The following MARCHF6 variants were observed in gnomAD, a reference collection of about 807,000 sequenced individuals.
MARCHF6 encodes the protein membrane associated ring-CH-type finger 6.
MARCHF6 carries 31 observed loss-of-function variants against 133.7 expected under a neutral mutation model. That is an observed-to-expected ratio of 0.23 (90% CI 0.17 to 0.31). The LOEUF is 0.31. Among genes scored for constraint, MARCHF6 ranks in the 10% least tolerant of loss-of-function variants. The probability of loss-of-function intolerance (pLI) is 1.00; values close to 1 mark genes in which losing one functional copy is unlikely to be tolerated. For missense variants in MARCHF6, 723 were observed against 1,121.6 expected (o/e 0.64, Z 5.08); for synonymous variants, 395 against 402.5 (o/e 0.98, Z 0.22).
At chr5:10,422,804 A>C (rs1215588757) in intron 22 of MARCHF6, among the ~76,000 whole-genome samples, 1 of 151,884 alleles carries the variant, frequency 6.6e-6, no homozygotes, top group Non-Finnish European at 1.5e-5. Context: ...ATGATACTAC[A>C]TACTTTCTAT....
At chr5:10,407,947 A>G (rs908319677) in intron 17 of MARCHF6, among the ~76,000 whole-genome samples, 1 of 140,504 alleles carries the variant, frequency 7.1e-6, no homozygotes, top group African/African-American at 2.7e-5. Context: ...CAAGAGTGAA[A>G]CTGCATCCCC....
At chr5:10,378,720 C>A (rs1448145537) in intron 2 of MARCHF6, 39 bp from the exon 3 acceptor site, 2 of 1,209,730 alleles carry the variant, frequency 1.7e-6, no homozygotes, top group Admixed American at 1.8e-5. Flanking sequence ...TGTTTCTTTG[C>A]TGTAAACACT....
chr5:10,429,231 A>G (rs1202453031), intron 24 of MARCHF6, among the ~76,000 whole-genome samples: 3 of 152,220 alleles, frequency 2.0e-5, no homozygotes, highest in Admixed American at 6.5e-5. Flanking sequence ...ATTAAAACTC[A>G]TGAGTTAAAT....
At position 10,423,406 on chromosome 5, in the gene MARCHF6, G is replaced by A. The variant is rs187193136; in HGVS notation, c.2284-329G>A. The stretch of plus-strand genomic sequence containing the variant: ...CAGCTCACTTGAAACCAATGAAATA[G>A]CCTAAAGATAGTTTGAAATAAAATC... On this transcript the variant is annotated intron_variant, in intron 22 of 25. Coordinates refer to ENST00000274140, the MANE Select transcript of MARCHF6 (RefSeq NM_005885.4). Among the ~76,000 whole-genome samples the A allele has an allele frequency of 1.2e-4, 19 of 152,306 alleles. No individual in the cohort carries two copies. The East Asian group carries it at 3.7e-3, about 29-fold the overall frequency.
chr5:10,392,332 A>G (rs1037640659), intron 7 of MARCHF6, among the ~76,000 whole-genome samples: 1 of 152,198 alleles, frequency 6.6e-6, no homozygotes, highest in African/African-American at 2.4e-5. Flanking sequence ...TTTTTTAAAT[A>G]AAGGACTTTG....
chr5:10,376,914 C>T (rs1736819289), intron 1 of MARCHF6, among the ~76,000 whole-genome samples: 1 of 152,208 alleles, frequency 6.6e-6, no homozygotes, highest in Non-Finnish European at 1.5e-5. Context: ...CATTAAGTTT[C>T]TGCCCATTCT....
rs377534122 is a variant in MARCHF6, at chr5:10,440,368, A to G, written c.*6684A>G. 6.6e-6 allele frequency: 1 copy of G among 152,212 alleles called. No homozygotes were observed. The highest frequency in any genetic ancestry group is 1.9e-4 in the East Asian group (1 of 5,200). The allele number at this position is 152,212 out of a possible 1,614,324, so 9.4% of individuals were successfully genotyped here. ...TACCTTCACAGAATCATTTATCACA[A>G]TAAAGGTGTCATACTATGCAGATTG... On this transcript the variant is annotated 3_prime_UTR_variant, in exon 26 of 26. Transcript: ENST00000274140.
chr5:10,432,434 G>T (rs1488554599), intron 25 of MARCHF6, among the ~76,000 whole-genome samples: 1 of 152,192 alleles, frequency 6.6e-6, no homozygotes, highest in Non-Finnish European at 1.5e-5. Flanking sequence ...TCCCTGATCT[G>T]CATCTCTGCC....
rs1227572191 is a variant in MARCHF6 at position 10,405,541 on chromosome 5, T to G, written c.1333-17T>G. ...AGACATTGGTGAATATTCATAGTAT[T>G]TAAAATATATTTGCAGGTACTTCGA... is the stretch of plus-strand genomic sequence containing the variant. On this transcript the variant is annotated splice_polypyrimidine_tract_variant and intron_variant, in intron 15 of 25. Coordinates refer to ENST00000274140, the MANE Select transcript of MARCHF6 (RefSeq NM_005885.4). 1.9e-6 allele frequency: 3 copies of G among 1,582,676 alleles called. No homozygotes were observed. The highest frequency in any genetic ancestry group is 2.6e-6 in the Non-Finnish European group (3 of 1,169,230).
At chr5:10,368,703 G>A (rs190992688) in intron 1 of MARCHF6, among the ~76,000 whole-genome samples, 52 of 152,020 alleles carry the variant, frequency 3.4e-4, no homozygotes, top group Non-Finnish European at 6.5e-4. Flanking sequence ...CCTCTGCCTC[G>A]CAAGTAGCTG....
intron 6 of MARCHF6, among the ~76,000 whole-genome samples, chr5:10,390,906 C>T (rs1737791429): frequency 6.6e-6 from 1 of 152,152 alleles, no homozygotes; most frequent in Admixed American, 6.5e-5. Context: ...AAAAGGACTA[C>T]AGAATGTTTT....
chr5:10,417,383 T>A lies in MARCHF6; in HGVS notation c.2262T>A (p.Thr754=). The A allele has an allele frequency of 6.2e-7, 1 of 1,613,920 alleles. No homozygotes were observed. Among genetic ancestry groups the A allele is most frequent in the South Asian group, 1.1e-5 (1 of 91,042 alleles). Residue 754 remains threonine (T), a synonymous_variant, in exon 22 of 26, where the codon ACT becomes ACA. Coordinates refer to ENST00000274140, the MANE Select transcript of MARCHF6 (RefSeq NM_005885.4). ...CCCTGAGGGTTCCCTTGGATCAGAC[T>A]CCTCTTTTTTATCCATGGCAGGTAA... ...VAPLRVPLDQ[T]PLFYPWQDWA...
chr5:10,426,589 C>T lies in MARCHF6; in HGVS notation c.2506+67C>T, dbSNP rs143499781. 396 of 1,528,668 alleles carry T rather than the reference C, an allele frequency of 2.6e-4. No individual in the cohort carries two copies. The African/African-American group carries it at 4.9e-3, about 19-fold the overall frequency. 94.7% of individuals were successfully genotyped at this position (1,528,668 alleles called of 1,614,324 possible). Reference sequence around the variant, plus strand: ...TTAACATTGGACATTCTCTTTACCCCTAGTAAAAAGGATGTCTCACTCCAT... The same window carrying T: ...TTAACATTGGACATTCTCTTTACCCTTAGTAAAAAGGATGTCTCACTCCAT... On this transcript the variant is annotated intron_variant, in intron 24 of 25. Coordinates refer to ENST00000274140, the MANE Select transcript of MARCHF6 (RefSeq NM_005885.4).
At chr5:10,404,480 C>G (rs1211688888) in intron 15 of MARCHF6, among the ~76,000 whole-genome samples, 3 of 152,194 alleles carry the variant, frequency 2.0e-5, no homozygotes, top group African/African-American at 7.2e-5. Context: ...TCCCCAAATA[C>G]TGAATGGTCA....
intron 17 of MARCHF6, among the ~76,000 whole-genome samples, chr5:10,409,894 T>C (rs1175678694): frequency 2.6e-5 from 4 of 152,114 alleles, no homozygotes; most frequent in African/African-American, 9.7e-5. Context: ...ATGCTACTAA[T>C]ATAGCAAGTG....
At chr5:10,407,411 AT>A (rs1232463069) in intron 17 of MARCHF6, among the ~76,000 whole-genome samples, 7 of 152,002 alleles carry the variant, frequency 4.6e-5, no homozygotes, top group Non-Finnish European at 7.4e-5. Flanking sequence ...CTTTGCATAA[AT>A]TTTGCCTTAT....
chr5:10,383,922 A>G (rs1737312937), intron 4 of MARCHF6, among the ~76,000 whole-genome samples: 1 of 152,200 alleles, frequency 6.6e-6, no homozygotes, highest in Admixed American at 6.5e-5. Flanking sequence ...TAGATGTTCT[A>G]GATGTAGGTA....
At chr5:10,385,940 A>G (rs554001478) in intron 4 of MARCHF6, among the ~76,000 whole-genome samples, 48 of 152,202 alleles carry the variant, frequency 3.2e-4, no homozygotes, top group African/African-American at 1.0e-3. Context: ...TTTAAATTAC[A>G]TCACACGATA....
Position 10,435,949 on chromosome 5 carries a change from T to C in MARCHF6, c.*2265T>C. On this transcript the variant is annotated 3_prime_UTR_variant, in exon 26 of 26. Coordinates refer to ENST00000274140, the MANE Select transcript of MARCHF6 (RefSeq NM_005885.4). ...CCAGGCTGGTCTCGGAACTCCTGAC[T>C]GCAGGTGATCCGTCCTCCTTGGGCT... The C allele has an allele frequency of 6.6e-6, 1 of 151,398 alleles. No homozygotes were observed. Among genetic ancestry groups the C allele is most frequent in the South Asian group, 2.1e-4 (1 of 4,782 alleles). 9.4% of individuals were successfully genotyped at this position (151,398 alleles called of 1,614,324 possible).
Sources: allele counts gnomAD v4.1 joint callset (sites outside exome capture counted in the v4.1 genomes callset), GRCh38; gene constraint gnomAD v4.1.1; transcripts MANE v1.5; gene names NCBI Gene and HGNC (gene_info 2026-07-23, HGNC 2026-07-21).